CENPW: variants seen among roughly 807,000 people sequenced by gnomAD.
CENPW encodes the protein centromere protein W, also known as cancer-up-regulated gene 2 protein.
CENPW carries 3 observed loss-of-function variants against 11.1 expected under a neutral mutation model. The ratio of observed to expected loss-of-function variants is 0.27; its 90% confidence interval spans 0.12 to 0.70. CENPW has a LOEUF of 0.70. Among genes scored for constraint, CENPW ranks in the 30% least tolerant of loss-of-function variants. The pLI is 0.77. For synonymous variants in CENPW, 38 were observed against 42.0 expected (o/e 0.91, Z 0.37); for missense variants, 100 against 105.6 (o/e 0.95, Z 0.23).
At chr6:126,340,732 C>G (rs1780287534) in intron 1 of CENPW, among the ~76,000 whole-genome samples, 1 of 152,174 alleles carries the variant, frequency 6.6e-6, no homozygotes, top group African/African-American at 2.4e-5. Context: ...AATGTACTTG[C>G]AAAGGGTATG....
chr6:126,367,933 C>T, the CENPW span, among the ~76,000 whole-genome samples: 1 of 152,094 alleles, frequency 6.6e-6, no homozygotes, highest in Non-Finnish European at 1.5e-5. Flanking sequence ...TGATGAATTA[C>T]GATTTTGATT....
At chr6:126,429,537 C>A in the CENPW span, among the ~76,000 whole-genome samples, 4 of 152,120 alleles carry the variant, frequency 2.6e-5, no homozygotes, top group Admixed American at 2.0e-4. Context: ...CGCTTCACCC[C>A]CTGCCATGAG....
At chr6:126,388,317 G>C in the CENPW span, among the ~76,000 whole-genome samples, 2 of 151,948 alleles carry the variant, frequency 1.3e-5, no homozygotes, top group African/African-American at 4.8e-5. Context: ...CTTGTAATCT[G>C]TAGTAGATTG....
At chr6:126,353,652 C>T (rs976308830), downstream of CENPW, among the ~76,000 whole-genome samples, 23 of 151,970 alleles carry the variant, frequency 1.5e-4, no homozygotes, top group African/African-American at 4.3e-4. Flanking sequence ...GATTCTTGGC[C>T]ATTCTCTTTT....
At chr6:126,425,762 T>C in the CENPW span, among the ~76,000 whole-genome samples, 1 of 151,706 alleles carries the variant, frequency 6.6e-6, no homozygotes, top group African/African-American at 2.4e-5. Context: ...TCTTTCCTAG[T>C]CTTATTTCTA....
the CENPW span, among the ~76,000 whole-genome samples, chr6:126,432,066 CAA>C: frequency 2.6e-3 from 94 of 36,534 alleles, no homozygotes; most frequent in African/African-American, 7.8e-3. Context: ...CTCCATCTCA[CAA>C]AAAAAAAAAA....
At chr6:126,472,614 T>G in the CENPW span, among the ~76,000 whole-genome samples, 1 of 152,236 alleles carries the variant, frequency 6.6e-6, no homozygotes, top group Non-Finnish European at 1.5e-5. Flanking sequence ...ATAAAACTGC[T>G]ATGAGCACTT....
chr6:126,409,628 G>A, the CENPW span, among the ~76,000 whole-genome samples: 1 of 151,662 alleles, frequency 6.6e-6, no homozygotes, highest in Non-Finnish European at 1.5e-5. Context: ...TTGATATATT[G>A]TATTCCTGAA....
At chr6:126,418,725 G>C in the CENPW span, among the ~76,000 whole-genome samples, 1 of 151,780 alleles carries the variant, frequency 6.6e-6, no homozygotes. Flanking sequence ...ATCAACTCTG[G>C]GGTTAATATT....
At chr6:126,425,365 C>T in the CENPW span, among the ~76,000 whole-genome samples, 1 of 152,056 alleles carries the variant, frequency 6.6e-6, no homozygotes, top group African/African-American at 2.4e-5. Context: ...TCTTTCTTCT[C>T]TCGCTCTTTT....
intron 1 of CENPW, among the ~76,000 whole-genome samples, chr6:126,341,485 C>T (rs554631142): frequency 5.3e-5 from 8 of 152,308 alleles, no homozygotes; most frequent in African/African-American, 1.9e-4. Flanking sequence ...ATTATCGCCC[C>T]TTTCCCCTTA....
the CENPW span, among the ~76,000 whole-genome samples, chr6:126,376,915 T>A: frequency 6.6e-6 from 1 of 152,188 alleles, no homozygotes; most frequent in African/African-American, 2.4e-5. Flanking sequence ...ATGTCGGTTT[T>A]CATTTTGACA....
chr6:126,349,985 T>C (rs955760299), downstream of CENPW, among the ~76,000 whole-genome samples: 3 of 152,086 alleles, frequency 2.0e-5, no homozygotes, highest in South Asian at 2.1e-4. Context: ...GTAGCCTCCT[T>C]CTTGCACCTG....
At chr6:126,374,282 A>G in the CENPW span, among the ~76,000 whole-genome samples, 1 of 152,326 alleles carries the variant, frequency 6.6e-6, no homozygotes, top group African/African-American at 2.4e-5. Context: ...AGATTTTTTT[A>G]AAGGCCGATG....
At chr6:126,407,974 CT>C in the CENPW span, among the ~76,000 whole-genome samples, 1 of 151,994 alleles carries the variant, frequency 6.6e-6, no homozygotes, top group South Asian at 2.1e-4. Flanking sequence ...GTTGCAATTG[CT>C]TTTGGTGTTT....
At chr6:126,460,451 AAAG>A in the CENPW span, among the ~76,000 whole-genome samples, 3 of 151,690 alleles carry the variant, frequency 2.0e-5, no homozygotes, top group Admixed American at 6.6e-5. Flanking sequence ...CAAGCGCTTT[AAAG>A]AAGGAGAGCA....
the CENPW span, among the ~76,000 whole-genome samples, chr6:126,361,013 T>C: frequency 6.6e-6 from 1 of 152,330 alleles, no homozygotes; most frequent in East Asian, 1.9e-4. Context: ...GCCAGAATTC[T>C]TGCACTGATT....
the CENPW span, among the ~76,000 whole-genome samples, chr6:126,378,054 C>T: frequency 6.6e-6 from 1 of 152,186 alleles, no homozygotes. Flanking sequence ...TCCAAATTAG[C>T]TACAGCTTGA....
the CENPW span, among the ~76,000 whole-genome samples, chr6:126,452,377 A>G: frequency 6.6e-6 from 1 of 151,212 alleles, no homozygotes; most frequent in Non-Finnish European, 1.5e-5. Context: ...AATTGCAAAC[A>G]CTTCTGCAAT....
Sources: gnomAD v4.1 joint callset for allele counts (sites outside exome capture counted in the v4.1 genomes callset) on GRCh38, gnomAD v4.1.1 for gene constraint, MANE v1.5 for transcripts, NCBI Gene and HGNC (gene_info 2026-07-23, HGNC 2026-07-21) for gene names.